KIF18A: variants seen among roughly 807,000 people sequenced by gnomAD.
KIF18A encodes the protein kinesin family member 18A.
In KIF18A, 67 loss-of-function variants were observed where a neutral mutation model predicts 103.3. The observed-to-expected ratio is 0.65, with a 90% CI of 0.53 to 0.79. The LOEUF (loss-of-function observed/expected upper bound fraction) is 0.79, where lower values mean the gene tolerates loss of function less well. KIF18A is among the 30% of genes least tolerant of loss of function. The pLI is 0.00. For missense variants in KIF18A, 1,032 were observed against 1,062.5 expected, an observed-to-expected ratio of 0.97 and a Z score of 0.40; for synonymous variants, 367 against 355.5, an observed-to-expected ratio of 1.03 and a Z score of -0.36.
At chr11:28,087,040 AAC>A (rs1305891174) in intron 6 of KIF18A, among the ~76,000 whole-genome samples, 1 of 152,050 alleles carries the variant, frequency 6.6e-6, no homozygotes, top group African/African-American at 2.4e-5. Flanking sequence ...TAACATTTTG[AAC>A]AGTTTAACAA....
intron 9 of KIF18A, among the ~76,000 whole-genome samples, chr11:28,078,697 G>T (rs1851126088): frequency 6.6e-6 from 1 of 152,008 alleles, no homozygotes; most frequent in Non-Finnish European, 1.5e-5. Flanking sequence ...CTTTATAAAA[G>T]AACAATTGTG....
chr11:28,038,098 C>T (rs140507446), intron 13 of KIF18A, among the ~76,000 whole-genome samples: 19 of 151,544 alleles, frequency 1.3e-4, no homozygotes, highest in African/African-American at 4.1e-4. Flanking sequence ...TCATGTCATC[C>T]TTCTGATTAA....
At position 28,097,781 on chromosome 11, in the gene KIF18A, C is replaced by T; in HGVS notation, c.167G>A (p.Gly56Glu). 2 of 1,612,760 alleles carry T rather than the reference C, an allele frequency of 1.2e-6. No individual in the cohort carries two copies. Among genetic ancestry groups the T allele is most frequent in the Non-Finnish European group, 8.5e-7 (1 of 1,179,244 alleles). Residue 56 changes from glycine (G) to glutamate (E), a missense_variant, in exon 2 of 17, where the codon GGA (glycine) becomes GAA (glutamate). Coordinates refer to ENST00000263181, the MANE Select transcript of KIF18A (RefSeq NM_031217.4). ...AACATTTTGATTTGTAGTTTTCTTT[C>T]CATGGAAAAAACTGACTTCTTCTTG... ...PKQEEVSFFH[G>E]KKTTNQNVIK...
chr11:28,086,635 A>G (rs1292096429), intron 6 of KIF18A, among the ~76,000 whole-genome samples: 1 of 152,230 alleles, frequency 6.6e-6, no homozygotes, highest in African/African-American at 2.4e-5. Context: ...TAGTAGTTCA[A>G]AGAGCCAGAA....
intron 11 of KIF18A, 140 bp from the exon 12 acceptor site, chr11:28,062,656 T>TA (rs1187951857): frequency 1.5e-6 from 1 of 649,556 alleles, no homozygotes; most frequent in Non-Finnish European, 2.2e-6. Flanking sequence ...ATTTGAAAAA[T>TA]AAGAGTTCTG....
At chr11:28,074,089 C>A (rs1851059086) in intron 10 of KIF18A, among the ~76,000 whole-genome samples, 1 of 152,052 alleles carries the variant, frequency 6.6e-6, no homozygotes, top group Admixed American at 6.6e-5. Context: ...GTCTCAGCTA[C>A]TTGGGAGTCT....
At chr11:28,102,492 G>A (rs1851458498) in intron 1 of KIF18A, among the ~76,000 whole-genome samples, 1 of 152,104 alleles carries the variant, frequency 6.6e-6, no homozygotes, top group Admixed American at 6.6e-5. Flanking sequence ...ACCACTTTGG[G>A]CACATGCTCT....
At chr11:28,022,893 G>A (rs1850264838) in intron 16 of KIF18A, among the ~76,000 whole-genome samples, 1 of 152,016 alleles carries the variant, frequency 6.6e-6, no homozygotes, top group South Asian at 2.1e-4. Flanking sequence ...AAAGGGCATC[G>A]ACAGAAAAAA....
intron 15 of KIF18A, among the ~76,000 whole-genome samples, chr11:28,025,691 G>A (rs1355348706): frequency 6.6e-6 from 1 of 151,954 alleles, no homozygotes; most frequent in African/African-American, 2.4e-5. Flanking sequence ...TAACATTTAT[G>A]TTGTAGGTCA....
chr11:28,090,668 T>C lies in KIF18A; in HGVS notation c.648A>G (p.Gln216=). Reference sequence around the variant, plus strand: ...ATGTGGCATTCATATCAGTGGGATGTTGTGTCCTGTTTTTGTTTCCATTAT... The same window carrying C: ...ATGTGGCATTCATATCAGTGGGATGCTGTGTCCTGTTTTTGTTTCCATTAT... ...LLDNGNKNRT[Q]HPTDMNATSS... Residue 216 remains glutamine, a synonymous_variant, in exon 5 of 17, where the codon CAA becomes CAG. Coordinates refer to ENST00000263181, the MANE Select transcript of KIF18A (RefSeq NM_031217.4). 6.2e-7 allele frequency: 1 copy of C among 1,611,286 alleles called. No homozygotes were observed.
rs570972312 is a variant in KIF18A at position 28,060,099 on chromosome 11, G to A, written c.1713-938C>T. On this transcript the variant is annotated intron_variant, in intron 12 of 16. Coordinates refer to ENST00000263181, the MANE Select transcript of KIF18A (RefSeq NM_031217.4). ...TATTAGCAACAATTACAGCAGCACC[G>A]AATGTAATTTTTTGTGTATCAGACC... Among the ~76,000 whole-genome samples, 4 of 152,256 alleles carry A rather than the reference G, an allele frequency of 2.6e-5. 1 individual carries two copies. Among genetic ancestry groups the A allele is most frequent in the African/African-American group, 9.6e-5 (4 of 41,542 alleles).
At chr11:28,058,508 A>AAT (rs1168307075) in intron 13 of KIF18A, among the ~76,000 whole-genome samples, 1 of 146,260 alleles carries the variant, frequency 6.8e-6, no homozygotes, top group East Asian at 2.0e-4. Flanking sequence ...AAAAAAAAAA[A>AAT]AAAAAAGCCA....
chr11:28,076,207 TA>T (rs1296426584), intron 10 of KIF18A, among the ~76,000 whole-genome samples: 1 of 151,748 alleles, frequency 6.6e-6, no homozygotes, highest in South Asian at 2.1e-4. Flanking sequence ...ATTATTGTAT[TA>T]AAAAAAATAG....
chr11:28,036,076 G>T, intron 14 of KIF18A, 141 bp downstream of exon 14: 1 of 582,192 alleles, frequency 1.7e-6, no homozygotes, highest in Non-Finnish European at 2.9e-6. Context: ...TATTCAGAGA[G>T]AAAGATAATT....
intron 13 of KIF18A, among the ~76,000 whole-genome samples, chr11:28,043,226 T>G (rs143716426): frequency 1.3e-5 from 2 of 151,938 alleles, no homozygotes; most frequent in Admixed American, 6.6e-5. Context: ...CCCATCACTG[T>G]TGGCTATATC....
At chr11:28,090,535 A>G (rs902153132) in intron 5 of KIF18A, 82 bp downstream of exon 5, 2 of 808,236 alleles carry the variant, frequency 2.5e-6, no homozygotes, top group Non-Finnish European at 4.2e-6. Flanking sequence ...TTTTTTTCAC[A>G]TGTATGAAAA....
At chr11:28,040,485 T>C (rs2133500614) in intron 13 of KIF18A, among the ~76,000 whole-genome samples, 1 of 151,862 alleles carries the variant, frequency 6.6e-6, no homozygotes, top group Non-Finnish European at 1.5e-5. Flanking sequence ...AGGCAGATTA[T>C]AATTCCTTCA....
intron 10 of KIF18A, among the ~76,000 whole-genome samples, chr11:28,072,705 G>A (rs1851036703): frequency 6.7e-6 from 1 of 148,978 alleles, no homozygotes; most frequent in Non-Finnish European, 1.5e-5. Context: ...TAAGAGATCA[G>A]AAAAGGCAAT....
At chr11:28,103,987 G>A (rs1851475795) in intron 1 of KIF18A, among the ~76,000 whole-genome samples, 1 of 152,064 alleles carries the variant, frequency 6.6e-6, no homozygotes, top group Non-Finnish European at 1.5e-5. Flanking sequence ...CATTTATGTA[G>A]AACAGCTCAT....
Sources: gnomAD v4.1 joint callset for allele counts (sites outside exome capture counted in the v4.1 genomes callset) on GRCh38, gnomAD v4.1.1 for gene constraint, MANE v1.5 for transcripts, NCBI Gene and HGNC (gene_info 2026-07-23, HGNC 2026-07-21) for gene names.